SMC5: variants seen among roughly 807,000 people sequenced by gnomAD.
SMC5 encodes the protein structural maintenance of chromosomes protein 5.
Under a neutral mutation model 148.3 loss-of-function variants are expected in SMC5, and 88 were observed. That is an observed-to-expected ratio of 0.59 (90% CI 0.50 to 0.71). SMC5 has a LOEUF of 0.71. SMC5 is among the 30% of genes least tolerant of loss of function. SMC5 has a pLI of 0.00. For synonymous variants in SMC5, 421 were observed against 432.8 expected, an observed-to-expected ratio of 0.97 and a Z score of 0.34; for missense variants, 1,142 against 1,298.9, an observed-to-expected ratio of 0.88 and a Z score of 1.86.
intron 8 of SMC5, among the ~76,000 whole-genome samples, chr9:70,287,443 T>C (rs2034936479): frequency 6.6e-6 from 1 of 152,094 alleles, no homozygotes. Flanking sequence ...GATGATTAGG[T>C]AAGAAAGTGG....
chr9:70,323,397 TC>T, intron 15 of SMC5, 85 bp from the exon 16 acceptor site: 1 of 1,324,128 alleles, frequency 7.6e-7, no homozygotes, highest in Non-Finnish European at 1.0e-6. Context: ...GCTAAATATA[TC>T]CCAGAAAACT....
intron 5 of SMC5, among the ~76,000 whole-genome samples, chr9:70,279,352 T>A (rs1482766140): frequency 6.6e-6 from 1 of 150,998 alleles, no homozygotes; most frequent in African/African-American, 2.4e-5. Context: ...TGTCTCTACA[T>A]GAAAAGAAAT....
intron 11 of SMC5, among the ~76,000 whole-genome samples, chr9:70,306,941 A>C (rs993960117): frequency 6.6e-6 from 1 of 152,170 alleles, no homozygotes; most frequent in African/African-American, 2.4e-5. Flanking sequence ...AAATCTTCAC[A>C]ATTTTTGCCA....
intron 22 of SMC5, 74 bp from the exon 23 acceptor site, chr9:70,350,035 TAATTC>T: frequency 1.9e-6 from 2 of 1,031,680 alleles, no homozygotes; most frequent in Non-Finnish European, 2.7e-6. Context: ...CTTACTCAGT[TAATTC>T]AATCCATTTT....
At chr9:70,330,548 C>CTTTTT (rs71505381) in intron 17 of SMC5, among the ~76,000 whole-genome samples, 1 of 128,884 alleles carries the variant, frequency 7.8e-6, no homozygotes, top group African/African-American at 2.8e-5. Context: ...ATGTAACTTT[C>CTTTTT]TTTTTTTTTT....
intron 8 of SMC5, among the ~76,000 whole-genome samples, chr9:70,295,301 T>TA (rs11320419): frequency 9.1e-4 from 136 of 149,076 alleles, no homozygotes; most frequent in African/African-American, 3.3e-3. Flanking sequence ...CTGTCTCTAC[T>TA]AAAAAAAAAA....
chr9:70,352,365 T>C lies in SMC5; in HGVS notation c.*34T>C. 6.4e-7 allele frequency: 1 copy of C among 1,563,782 alleles called. No individual in the cohort carries two copies. On this transcript the variant is annotated 3_prime_UTR_variant, in exon 25 of 25. Transcript: ENST00000361138. ...AAGAGAGGGAACTTGGGAATTTTTT[T>C]TGTTAAATTCTGTTTATAAGTATGG...
rs13284146 is a variant in SMC5 at position 70,266,036 on chromosome 9, G to A, written c.327+1591G>A. On this transcript the variant is annotated intron_variant, in intron 2 of 24. Coordinates refer to ENST00000361138, the MANE Select transcript of SMC5 (RefSeq NM_015110.4). ...TTATAAAAAGTGCACTCAACAACTGGAGAGTATGCATTCTTTTCAAGCACA... is the reference window on the plus strand; with the variant it reads ...TTATAAAAAGTGCACTCAACAACTGAAGAGTATGCATTCTTTTCAAGCACA... Among the ~76,000 whole-genome samples the A allele has an allele frequency of 5.9e-3, 905 of 152,162 alleles. 4 individuals carry two copies. The highest frequency in any genetic ancestry group is 9.2e-3 in the Non-Finnish European group (624 of 67,986).
chr9:70,270,082 T>G (rs1317944408), intron 3 of SMC5, among the ~76,000 whole-genome samples: 1 of 152,178 alleles, frequency 6.6e-6, no homozygotes, highest in African/African-American at 2.4e-5. Context: ...GTTTAGGGGC[T>G]CAGTCACACA....
chr9:70,345,606 G>A (rs1007216292), intron 18 of SMC5, among the ~76,000 whole-genome samples: 1 of 152,008 alleles, frequency 6.6e-6, no homozygotes, highest in African/African-American at 2.4e-5. Context: ...TATTTGGGAT[G>A]TTTCAGAATA....
chr9:70,317,806 C>T (rs2035841722), intron 13 of SMC5, among the ~76,000 whole-genome samples: 1 of 152,044 alleles, frequency 6.6e-6, no homozygotes, highest in Admixed American at 6.6e-5. Context: ...TAAGAAAAGG[C>T]TTTGAAATCT....
At chr9:70,337,144 A>G (rs980920764) in intron 17 of SMC5, among the ~76,000 whole-genome samples, 7 of 152,154 alleles carry the variant, frequency 4.6e-5, no homozygotes, top group African/African-American at 1.7e-4. Context: ...TCAAGATGAG[A>G]TTTGGGTGGG....
intron 8 of SMC5, among the ~76,000 whole-genome samples, chr9:70,291,746 C>A (rs532486303): frequency 4.9e-4 from 75 of 152,188 alleles, no homozygotes; most frequent in African/African-American, 1.7e-3. Context: ...TACAAACAAG[C>A]CTTATACAAC....
chr9:70,298,372 A>G (rs956574869), intron 9 of SMC5, 151 bp downstream of exon 9: 3 of 813,798 alleles, frequency 3.7e-6, no homozygotes, highest in African/African-American at 3.5e-5. Context: ...TCATACCTTA[A>G]TTATCTATAT....
chr9:70,303,603 G>A (rs868729352), intron 10 of SMC5, among the ~76,000 whole-genome samples: 3 of 152,096 alleles, frequency 2.0e-5, no homozygotes, highest in Admixed American at 6.5e-5. Context: ...ACATTTATGC[G>A]ACAAGCACTG....
At chr9:70,327,104 A>G (rs771417136) in intron 17 of SMC5, among the ~76,000 whole-genome samples, 1 of 152,214 alleles carries the variant, frequency 6.6e-6, no homozygotes, top group Admixed American at 6.5e-5. Context: ...AAAAACAAAC[A>G]TTTCCTAGCT....
At chr9:70,312,576 A>G (rs934305345) in intron 11 of SMC5, among the ~76,000 whole-genome samples, 3 of 152,328 alleles carry the variant, frequency 2.0e-5, no homozygotes, top group African/African-American at 7.2e-5. Flanking sequence ...TTTTCCACAA[A>G]TGCTCTTTAT....
At chr9:70,308,295 T>A (rs1007437375) in intron 11 of SMC5, among the ~76,000 whole-genome samples, 4 of 152,052 alleles carry the variant, frequency 2.6e-5, no homozygotes, top group African/African-American at 9.7e-5. Flanking sequence ...TAGAACCCTC[T>A]GAAAATAGTT....
intron 17 of SMC5, among the ~76,000 whole-genome samples, chr9:70,341,480 C>CT (rs2036521743): frequency 6.6e-6 from 1 of 152,152 alleles, no homozygotes; most frequent in Non-Finnish European, 1.5e-5. Context: ...GATTGGGAGT[C>CT]TTTAACATTT....
Sources: gnomAD v4.1 joint callset for allele counts (sites outside exome capture counted in the v4.1 genomes callset) on GRCh38, gnomAD v4.1.1 for gene constraint, MANE v1.5 for transcripts, NCBI Gene and HGNC (gene_info 2026-07-23, HGNC 2026-07-21) for gene names.